Variants in PKP4 observed in about 807,000 individuals in gnomAD.
The protein encoded by PKP4 is plakophilin-4.
Under a neutral mutation model 145.1 loss-of-function variants are expected in PKP4, and 90 were observed. The ratio of observed to expected loss-of-function variants is 0.62; its 90% CI spans 0.52 to 0.74. The LOEUF is 0.74. PKP4 is among the 30% of genes least tolerant of loss of function. The probability of loss-of-function intolerance (pLI) is 0.00; values close to 1 mark genes in which losing one functional copy is unlikely to be tolerated. For synonymous variants in PKP4, 563 were observed against 577.2 expected (o/e 0.98, Z 0.35); for missense variants, 1,340 against 1,482.7 (o/e 0.90, Z 1.58).
chr2:158,634,377 C>A, intron 9 of PKP4, 88 bp downstream of exon 9: 1 of 856,748 alleles, frequency 1.2e-6, no homozygotes, highest in Non-Finnish European at 1.9e-6. Flanking sequence ...GTTGCTAAGT[C>A]TATTATACTA....
chr2:158,667,210 C>T (rs893299935), intron 16 of PKP4, among the ~76,000 whole-genome samples: 1 of 152,216 alleles, frequency 6.6e-6, no homozygotes, highest in South Asian at 2.1e-4. Flanking sequence ...TGCGGCATTG[C>T]CACATCCTAG....
At position 158,662,991 on chromosome 2, in the gene PKP4, A is replaced by G; in HGVS notation, c.2306A>G (p.Asp769Gly). 3 of 1,614,030 alleles carry G rather than the reference A, an allele frequency of 1.9e-6. No individual in the cohort carries two copies. The highest frequency in any genetic ancestry group is 2.5e-6 in the Non-Finnish European group (3 of 1,179,984). Reference sequence around the variant, plus strand: ...CGGTTACTGGGACTGAACGAATTGGATGACTTACTAGGAAAAGAGTCTCCC... The same window carrying G: ...CGGTTACTGGGACTGAACGAATTGGGTGACTTACTAGGAAAAGAGTCTCCC... ...QARLLGLNEL[D>G]DLLGKESPSK... The change falls in exon 14 of 22, where the codon GAT becomes GGT. Residue 769 changes from aspartate (D) to glycine (G), a missense_variant. Asp to Gly is a moderately conservative substitution (Grantham distance 94). Coordinates refer to ENST00000389759, the MANE Select transcript of PKP4 (RefSeq NM_003628.6).
intron 1 of PKP4, among the ~76,000 whole-genome samples, chr2:158,470,791 C>G (rs1691443526): frequency 6.6e-6 from 1 of 152,132 alleles, no homozygotes; most frequent in Admixed American, 6.6e-5. Flanking sequence ...ATTCATACCC[C>G]TTGAGGGCTC....
chr2:158,658,529 G>A lies in PKP4; in HGVS notation c.2093+215G>A, dbSNP rs2056219564. 6 of 436,176 alleles carry A rather than the reference G, an allele frequency of 1.4e-5. No individual in the cohort carries two copies. The South Asian group carries it at 2.9e-4, about 21-fold the overall frequency. 27.0% of individuals were successfully genotyped at this position (436,176 alleles called of 1,614,324 possible). Reference sequence around the variant, plus strand: ...GTTATCTTGTAAATGACTCTTCTGTGACTTACTCAGAAAGGCCCTTTCAGT... The same window carrying A: ...GTTATCTTGTAAATGACTCTTCTGTAACTTACTCAGAAAGGCCCTTTCAGT... On this transcript the variant is annotated intron_variant, in intron 12 of 21. Coordinates refer to ENST00000389759, the MANE Select transcript of PKP4 (RefSeq NM_003628.6).
intron 17 of PKP4, among the ~76,000 whole-genome samples, chr2:158,671,795 G>C (rs1400081832): frequency 6.6e-6 from 1 of 152,338 alleles, no homozygotes; most frequent in African/African-American, 2.4e-5. Context: ...GGTGCTGAGG[G>C]GCAGGGCGCA....
intron 3 of PKP4, among the ~76,000 whole-genome samples, chr2:158,590,624 T>C (rs2049189647): frequency 6.6e-6 from 1 of 152,106 alleles, no homozygotes; most frequent in South Asian, 2.1e-4. Flanking sequence ...TTAGCAAATG[T>C]CTTTCAGTAA....
intron 11 of PKP4, among the ~76,000 whole-genome samples, chr2:158,643,822 A>G (rs939926564): frequency 2.0e-5 from 3 of 152,090 alleles, no homozygotes; most frequent in Non-Finnish European, 4.4e-5. Context: ...CTGGGATGCA[A>G]TGGCATGATC....
At chr2:158,469,437 G>A (rs769522171) in intron 1 of PKP4, among the ~76,000 whole-genome samples, 3 of 151,858 alleles carry the variant, frequency 2.0e-5, no homozygotes, top group African/African-American at 4.8e-5. Context: ...CCTTCCCACC[G>A]TGCTTTTTGT....
At chr2:158,550,910 G>A (rs902989348) in intron 2 of PKP4, among the ~76,000 whole-genome samples, 1 of 152,142 alleles carries the variant, frequency 6.6e-6, no homozygotes, top group Non-Finnish European at 1.5e-5. Context: ...AGGCAACCTG[G>A]CCTTTTAAAG....
At chr2:158,672,377 T>G (rs1324371256) in intron 17 of PKP4, among the ~76,000 whole-genome samples, 1 of 152,208 alleles carries the variant, frequency 6.6e-6, no homozygotes, top group African/African-American at 2.4e-5. Flanking sequence ...TGAAAATATG[T>G]AGTCTGTTTT....
At chr2:158,633,248 T>C (rs532700895) in intron 8 of PKP4, among the ~76,000 whole-genome samples, 1 of 152,260 alleles carries the variant, frequency 6.6e-6, no homozygotes, top group Non-Finnish European at 1.5e-5. Flanking sequence ...TATACATTCA[T>C]TCATGTGATA....
intron 7 of PKP4, among the ~76,000 whole-genome samples, chr2:158,626,744 TTTTA>T (rs1158772541): frequency 6.6e-6 from 1 of 152,224 alleles, no homozygotes; most frequent in East Asian, 1.9e-4. Flanking sequence ...TTTTAAGGGC[TTTTA>T]TTGAGTTATG....
intron 4 of PKP4, among the ~76,000 whole-genome samples, chr2:158,610,947 AAG>A (rs2051094209): frequency 6.6e-6 from 1 of 152,172 alleles, no homozygotes; most frequent in Admixed American, 6.5e-5. Flanking sequence ...TTCCTAGAAA[AAG>A]AAAGTGTTCG....
intron 2 of PKP4, 29 bp from the exon 3 acceptor site, chr2:158,577,242 T>A (rs1178904977): frequency 1.4e-6 from 2 of 1,471,270 alleles, no homozygotes; most frequent in Non-Finnish European, 9.5e-7. Flanking sequence ...CTTGGCGCCT[T>A]ATATGCCTTT....
chr2:158,547,557 A>G (rs1363562257), intron 2 of PKP4, among the ~76,000 whole-genome samples: 1 of 152,238 alleles, frequency 6.6e-6, no homozygotes, highest in African/African-American at 2.4e-5. Flanking sequence ...GGGTGGTGGC[A>G]TGACCAAAAT....
In PKP4 at chr2:158,625,384, C is replaced by G. The variant is rs1233244794; in HGVS notation, c.1110C>G (p.Asp370Glu). 3 of 1,614,034 alleles carry G rather than the reference C, an allele frequency of 1.9e-6. No homozygotes were observed. The African/African-American group carries it at 4.0e-5, about 22-fold the overall frequency. ...DMEQFGQQQY[D>E]IYERMVPPRP... is the part of the protein sequence containing the mutation. Reference sequence around the variant, plus strand: ...AGCAATTCGGACAGCAGCAGTATGACATTTATGAGAGGATGGTTCCACCCA... The same window carrying G: ...AGCAATTCGGACAGCAGCAGTATGAGATTTATGAGAGGATGGTTCCACCCA... Residue 370 changes from aspartate (D) to glutamate (E), a missense_variant, in exon 7 of 22, where the codon GAC becomes GAG. Transcript: ENST00000389759.
rs1390790814 is a variant in PKP4 at position 158,642,486 on chromosome 2, G to A, written c.1696G>A (p.Val566Met). Residue 566 changes from valine to methionine, a missense_variant and splice_region_variant, in exon 11 of 22, where the codon GTG becomes ATG. Physicochemically the swap from Val to Met is conservative, Grantham distance 21 (BLOSUM62 1). Transcript: ENST00000389759. ...CFGDNKVKME[V>M]CRLGGIKHLV... ...TGGTACCTAATATTTTTCATTCTAG[G>A]TGTGTAGGTTAGGGGGAATCAAGCA... is the stretch of plus-strand genomic sequence containing the variant. 6.3e-7 allele frequency: 1 copy of A among 1,596,396 alleles called. No homozygotes were observed. Among genetic ancestry groups the A allele is most frequent in the Non-Finnish European group, 8.6e-7 (1 of 1,168,154 alleles).
intron 2 of PKP4, among the ~76,000 whole-genome samples, chr2:158,536,726 C>T (rs1455704062): frequency 6.6e-6 from 1 of 152,174 alleles, no homozygotes; most frequent in Non-Finnish European, 1.5e-5. Flanking sequence ...TAACCTCTCA[C>T]AGTGGTATCA....
chr2:158,671,848 A>T (rs2057590399), intron 17 of PKP4, among the ~76,000 whole-genome samples: 3 of 152,240 alleles, frequency 2.0e-5, no homozygotes, highest in African/African-American at 7.2e-5. Context: ...GGGGAGAGGA[A>T]TGCTAGTCAA....
Sources: allele counts gnomAD v4.1 joint callset (sites outside exome capture counted in the v4.1 genomes callset), GRCh38; gene constraint gnomAD v4.1.1; transcripts MANE v1.5; gene names NCBI Gene and HGNC (gene_info 2026-07-23, HGNC 2026-07-21).